Variants in DLGAP1 observed in about 807,000 individuals in gnomAD.
DLGAP1 encodes DLG associated protein 1.
In DLGAP1, 11 loss-of-function variants were observed where a neutral mutation model predicts 90.8. The ratio of observed to expected loss-of-function variants is 0.12; its 90% confidence interval spans 0.08 to 0.20. The LOEUF is 0.20. DLGAP1 is among the 10% of genes least tolerant of loss of function. The pLI is 1.00. For synonymous variants in DLGAP1, 558 were observed against 540.7 expected (o/e 1.03, Z -0.44); for missense variants, 1,050 against 1,333.8 (o/e 0.79, Z 3.31).
intron 7 of DLGAP1, among the ~76,000 whole-genome samples, chr18:3,598,582 C>G (rs1212933280): frequency 6.7e-6 from 1 of 149,158 alleles, no homozygotes; most frequent in Non-Finnish European, 1.5e-5. Context: ...ATTCTCCTGA[C>G]TCAGCCTCCC....
intron 1 of DLGAP1, among the ~76,000 whole-genome samples, chr18:4,201,614 C>G (rs539550632): frequency 3.3e-5 from 5 of 151,548 alleles, no homozygotes; most frequent in Admixed American, 2.0e-4. Flanking sequence ...GGCTTTCAAA[C>G]AAATCACCAA....
chr18:3,930,052 G>C (rs2072481896), intron 3 of DLGAP1, among the ~76,000 whole-genome samples: 1 of 152,152 alleles, frequency 6.6e-6, no homozygotes, highest in South Asian at 2.1e-4. Flanking sequence ...AATAACACCA[G>C]GTATTATCTT....
chr18:3,895,321 A>ACACACACACAC (rs1555703472), intron 3 of DLGAP1, among the ~76,000 whole-genome samples: 2 of 104,770 alleles, frequency 1.9e-5, no homozygotes, highest in South Asian at 6.2e-4. Context: ...ACACACACAC[A>ACACACACACAC]TCATCATCAT....
At chr18:3,876,908 CTTATT>C (rs2071019473) in intron 4 of DLGAP1, among the ~76,000 whole-genome samples, 1 of 152,026 alleles carries the variant, frequency 6.6e-6, no homozygotes, top group African/African-American at 2.4e-5. Context: ...TAATAATATG[CTTATT>C]TTAAAGATTT....
In DLGAP1 at chr18:3,775,264, T is replaced by C. The variant is rs1203263604; in HGVS notation, c.1173-32752A>G. Reference sequence around the variant, plus strand: ...CATTCCCCTGTGTTATGCACATCGATATGGTTTGGCTTTGTGTCCCCACAC... The same window carrying C: ...CATTCCCCTGTGTTATGCACATCGACATGGTTTGGCTTTGTGTCCCCACAC... On this transcript the variant is annotated intron_variant, in intron 5 of 12. Coordinates refer to ENST00000315677, the MANE Select transcript of DLGAP1 (RefSeq NM_004746.4). The surrounding 1 kb of genome is among the most constrained non-coding windows in gnomAD (Gnocchi z 4.9). Among the ~76,000 whole-genome samples, 4 of 152,202 alleles carry C rather than the reference T, an allele frequency of 2.6e-5. No individual in the cohort carries two copies. The highest frequency in any genetic ancestry group is 5.9e-5 in the Non-Finnish European group (4 of 68,028).
At chr18:3,822,504 G>A (rs528919382) in intron 4 of DLGAP1, among the ~76,000 whole-genome samples, 1 of 152,294 alleles carries the variant, frequency 6.6e-6, no homozygotes, top group African/African-American at 2.4e-5. Context: ...GAATCTGGAG[G>A]GTGGAGGAAG....
intron 1 of DLGAP1, among the ~76,000 whole-genome samples, chr18:4,322,397 C>G (rs181699639): frequency 1.3e-5 from 2 of 152,186 alleles, no homozygotes; most frequent in Admixed American, 1.3e-4. Flanking sequence ...GAAAAAAGGT[C>G]AGTCTTTTCA....
At chr18:4,105,570 C>T (rs1884200971) in intron 2 of DLGAP1, among the ~76,000 whole-genome samples, 1 of 152,166 alleles carries the variant, frequency 6.6e-6, no homozygotes, top group Admixed American at 6.5e-5. Context: ...TTTACTTCAA[C>T]TTATAAATTT....
At chr18:3,937,915 C>A (rs1259137531) in intron 3 of DLGAP1, among the ~76,000 whole-genome samples, 1 of 152,202 alleles carries the variant, frequency 6.6e-6, no homozygotes, top group Non-Finnish European at 1.5e-5. Context: ...ACCCTCTGCA[C>A]CCCAGTTTCC....
intron 5 of DLGAP1, among the ~76,000 whole-genome samples, chr18:3,766,393 T>C (rs1175792471): frequency 6.6e-6 from 1 of 152,138 alleles, no homozygotes; most frequent in African/African-American, 2.4e-5. Flanking sequence ...AGACCTCAGT[T>C]ACTACCTCCC....
chr18:4,441,352 C>T (rs1423092325), intron 1 of DLGAP1, among the ~76,000 whole-genome samples: 1 of 152,088 alleles, frequency 6.6e-6, no homozygotes, highest in Non-Finnish European at 1.5e-5. Flanking sequence ...CTCTGTCATG[C>T]AAAATTTCTC....
intron 1 of DLGAP1, among the ~76,000 whole-genome samples, chr18:4,321,521 C>T (rs1568512423): frequency 6.6e-6 from 1 of 152,046 alleles, no homozygotes; most frequent in Non-Finnish European, 1.5e-5. Context: ...AAAAGTAGTC[C>T]CCACCCCACA....
chr18:4,354,404 A>G (rs1362916865), intron 1 of DLGAP1, among the ~76,000 whole-genome samples: 1 of 152,208 alleles, frequency 6.6e-6, no homozygotes, highest in Non-Finnish European at 1.5e-5. Flanking sequence ...CAGAGGGACC[A>G]GAAGAATCTG....
Position 3,720,645 on chromosome 18 carries a change from T to C in DLGAP1, c.1591+8490A>G, listed in dbSNP as rs144008830. On this transcript the variant is annotated intron_variant, in intron 7 of 12. Transcript: ENST00000315677. ...TGTCCAACTGCCAGTGTTAATTACA[T>C]GGACAATTTCCAACCGCTATTAGTT... is the stretch of plus-strand genomic sequence containing the variant. Among the ~76,000 whole-genome samples the C allele has an allele frequency of 7.2e-5, 11 of 152,218 alleles. No individual in the cohort carries two copies. In the East Asian group the frequency reaches 1.7e-3, roughly 24 times the overall value.
chr18:4,267,335 A>G (rs2079153494), intron 1 of DLGAP1, among the ~76,000 whole-genome samples: 1 of 152,220 alleles, frequency 6.6e-6, no homozygotes, highest in Admixed American at 6.5e-5. Context: ...TAAATGGACT[A>G]TCAATGGGAA....
At chr18:3,968,721 A>G (rs2073382207) in intron 3 of DLGAP1, among the ~76,000 whole-genome samples, 1 of 152,228 alleles carries the variant, frequency 6.6e-6, no homozygotes, top group South Asian at 2.1e-4. Context: ...TTGAAATTCA[A>G]AGAAAATGCC....
In DLGAP1 at chr18:3,565,514, TAAAG is replaced by T. The variant is rs1341542026; in HGVS notation, c.2057+1972_2057+1975del. 6.6e-6 allele frequency among the ~76,000 whole-genome samples: 1 copy of T among 151,898 alleles called. No homozygotes were observed. Among genetic ancestry groups the T allele is most frequent in the East Asian group, 1.9e-4 (1 of 5,142 alleles). On this transcript the variant is annotated intron_variant, in intron 9 of 12. Coordinates refer to ENST00000315677, the MANE Select transcript of DLGAP1 (RefSeq NM_004746.4). This position sits in a 1 kb window ranked among gnomAD's most constrained non-coding sequence, Gnocchi z 4.0. Reference sequence around the variant, plus strand: ...TCAAAAATTTTTCTAAAACACTTAATAAAGAAACATATGCCTAGGACATTAAAGC... The same window carrying T: ...TCAAAAATTTTTCTAAAACACTTAATAAACATATGCCTAGGACATTAAAGC...
At chr18:3,787,480 CAAAAAAAAAAAAA>C (rs1189558362) in intron 5 of DLGAP1, among the ~76,000 whole-genome samples, 1 of 63,776 alleles carries the variant, frequency 1.6e-5, no homozygotes, top group African/African-American at 6.4e-5. Flanking sequence ...AACTCCATCT[CAAAAAAAAAAAAA>C]AAAAAAAAAA....
At chr18:4,065,330 G>T (rs1286854794) in intron 2 of DLGAP1, among the ~76,000 whole-genome samples, 1 of 152,022 alleles carries the variant, frequency 6.6e-6, no homozygotes, top group African/African-American at 2.4e-5. Flanking sequence ...AGGGAAATCA[G>T]GCAAGAGAGA....
Sources: allele counts gnomAD v4.1 joint callset (sites outside exome capture counted in the v4.1 genomes callset), GRCh38; gene constraint gnomAD v4.1.1; non-coding constraint Gnocchi (gnomAD v3.1); transcripts MANE v1.5; gene names NCBI Gene and HGNC (gene_info 2026-07-23, HGNC 2026-07-21).